SLC22A24: variants seen among roughly 807,000 people sequenced by gnomAD.
The protein encoded by SLC22A24 is steroid transmembrane transporter SLC22A24.
A neutral mutation model predicts 49.8 loss-of-function variants in SLC22A24; 53 were observed. That is an observed-to-expected ratio of 1.06 (90% CI 0.85 to 1.34). The LOEUF (loss-of-function observed/expected upper bound fraction) is 1.34. Ranked by LOEUF, SLC22A24 falls within the 40% of genes most tolerant of loss-of-function variation. The probability of loss-of-function intolerance (pLI) is 0.00; values close to 1 mark genes in which losing one functional copy is unlikely to be tolerated. For missense variants in SLC22A24, 786 were observed against 675.9 expected, an observed-to-expected ratio of 1.16 and a Z score of -1.81; for synonymous variants, 302 against 256.4, an observed-to-expected ratio of 1.18 and a Z score of -1.70.
At chr11:63,116,533 T>G (rs2087214506) in intron 4 of SLC22A24, among the ~76,000 whole-genome samples, 1 of 152,222 alleles carries the variant, frequency 6.6e-6, no homozygotes, top group Non-Finnish European at 1.5e-5. Context: ...TAAAAATCTT[T>G]CTTTGGATTT....
intron 2 of SLC22A24, among the ~76,000 whole-genome samples, chr11:63,120,846 A>G (rs556609569): frequency 1.3e-5 from 2 of 152,248 alleles, no homozygotes; most frequent in East Asian, 3.9e-4. Context: ...TGTATGAGGC[A>G]ACTTAGAATA....
intron 4 of SLC22A24, among the ~76,000 whole-genome samples, chr11:63,113,406 C>G (rs1009223438): frequency 5.9e-5 from 9 of 151,456 alleles, no homozygotes; most frequent in Non-Finnish European, 1.2e-4. Context: ...TGTTTCTTTC[C>G]ATGTTTAGTG....
At chr11:63,134,054 A>G (rs1277373697) in intron 2 of SLC22A24, among the ~76,000 whole-genome samples, 2 of 152,184 alleles carry the variant, frequency 1.3e-5, no homozygotes, top group African/African-American at 4.8e-5. Flanking sequence ...TACAAATGAC[A>G]TTTTAAAATT....
intron 1 of SLC22A24, among the ~76,000 whole-genome samples, chr11:63,138,843 T>TC (rs1394873980): frequency 9.5e-4 from 143 of 150,382 alleles, no homozygotes; most frequent in Non-Finnish European, 1.5e-3. Flanking sequence ...ATAAGGTTTT[T>TC]TCCCCCCCAT....
At chr11:63,137,504 A>G (rs2087383851) in intron 1 of SLC22A24, among the ~76,000 whole-genome samples, 1 of 152,182 alleles carries the variant, frequency 6.6e-6, no homozygotes, top group African/African-American at 2.4e-5. Flanking sequence ...CAGAGATCCC[A>G]TTGTGAATTA....
At chr11:63,106,200 G>A (rs1020833929) in intron 4 of SLC22A24, among the ~76,000 whole-genome samples, 6 of 150,112 alleles carry the variant, frequency 4.0e-5, no homozygotes, top group Admixed American at 2.7e-4. Context: ...TTTTGTCCTT[G>A]CGATAGTTTG....
chr11:63,112,483 C>G (rs542290074), intron 4 of SLC22A24, among the ~76,000 whole-genome samples: 2 of 152,180 alleles, frequency 1.3e-5, no homozygotes, highest in Middle Eastern at 3.4e-3. Context: ...GTGTGGGAGT[C>G]TAAGTCTCTT....
intron 6 of SLC22A24, among the ~76,000 whole-genome samples, chr11:63,090,686 T>TAAATAAATAAATAAAC (rs923720294): frequency 6.8e-6 from 1 of 146,864 alleles, no homozygotes; most frequent in African/African-American, 2.5e-5. Context: ...AATAAATAAA[T>TAAATAAATAAATAAAC]AAATAATAGC....
In SLC22A24 at chr11:63,118,993, C is replaced by T; in HGVS notation, c.749G>A (p.Gly250Glu). The stretch of plus-strand genomic sequence containing the variant: ...CCAGTCCTGAATGGCAAAAGCCAGC[C>T]CTCCTAGGAGCATCTGCCCAACACT... Reference protein sequence around the residue: ...SYSVGQMLLGGLAFAIQDWHI... With the variant: ...SYSVGQMLLGELAFAIQDWHI... The change falls in exon 4 of 10, where the codon GGG becomes GAG. Residue 250 changes from glycine (G) to glutamate (E), a missense_variant. Gly to Glu is a moderately conservative substitution (Grantham distance 98). Transcript: ENST00000612278. The T allele has an allele frequency of 6.4e-7, 1 of 1,551,734 alleles. No individual in the cohort carries two copies. The highest frequency in any genetic ancestry group is 8.7e-7 in the Non-Finnish European group (1 of 1,146,958).
chr11:63,131,585 T>G (rs1458522381), intron 2 of SLC22A24, among the ~76,000 whole-genome samples: 1 of 152,220 alleles, frequency 6.6e-6, no homozygotes, highest in African/African-American at 2.4e-5. Flanking sequence ...ATTCTTTTTT[T>G]AAGAATGTTG....
chr11:63,105,134 G>T (rs996624652), intron 4 of SLC22A24, among the ~76,000 whole-genome samples: 1 of 152,236 alleles, frequency 6.6e-6, no homozygotes, highest in African/African-American at 2.4e-5. Flanking sequence ...CCGATGCAAG[G>T]GGTGGGTTCC....
At chr11:63,112,628 A>G (rs1013595670) in intron 4 of SLC22A24, among the ~76,000 whole-genome samples, 2 of 151,836 alleles carry the variant, frequency 1.3e-5, no homozygotes, top group Non-Finnish European at 2.9e-5. Context: ...TTGTGCTCAG[A>G]TCTTAGTTAT....
At chr11:63,104,338 T>C in intron 4 of SLC22A24, 40 bp from the exon 5 acceptor site, 1 of 1,517,660 alleles carries the variant, frequency 6.6e-7, no homozygotes, top group Non-Finnish European at 8.8e-7. Flanking sequence ...AAACAATTAC[T>C]TATTTGGCAC....
chr11:63,085,199 T>A (rs915428811), intron 6 of SLC22A24, among the ~76,000 whole-genome samples: 3 of 152,068 alleles, frequency 2.0e-5, no homozygotes, highest in Non-Finnish European at 4.4e-5. Flanking sequence ...AAAATTTCTA[T>A]AAATTTTATA....
intron 4 of SLC22A24, among the ~76,000 whole-genome samples, chr11:63,108,083 C>G (rs991149068): frequency 6.6e-6 from 1 of 152,084 alleles, no homozygotes; most frequent in Non-Finnish European, 1.5e-5. Flanking sequence ...TTATAAATAA[C>G]TCTTATTATT....
At chr11:63,102,006 A>G (rs1470352710) in intron 5 of SLC22A24, among the ~76,000 whole-genome samples, 2 of 152,112 alleles carry the variant, frequency 1.3e-5, no homozygotes. Context: ...AGATAAATTG[A>G]ATAAGGTCAA....
intron 5 of SLC22A24, 50 bp downstream of exon 5, chr11:63,104,125 A>G: frequency 6.5e-7 from 1 of 1,539,244 alleles, no homozygotes; most frequent in Non-Finnish European, 8.7e-7. Flanking sequence ...TATGATTGTG[A>G]GGTCATGTTT....
Position 63,119,221 on chromosome 11 carries a change from C to T in SLC22A24, c.621G>A (p.Gly207=). The change falls in exon 3 of 10, where the codon GGG becomes GGA. Residue 207 remains glycine, a synonymous_variant. Coordinates refer to ENST00000612278, the MANE Select transcript of SLC22A24 (RefSeq NM_001136506.2). ...TTCCCAAAATAGTCATGGTGGAGAACCCTGCCAAGAAGCGCAGTATGCAGT... is the reference window on the plus strand; with the variant it reads ...TTCCCAAAATAGTCATGGTGGAGAATCCTGCCAAGAAGCGCAGTATGCAGT... ...LVYCILRFLA[G]FSTMTILGNT... 1 of 1,550,000 alleles carries T rather than the reference C, an allele frequency of 6.5e-7. No individual in the cohort carries two copies. The highest frequency in any genetic ancestry group is 8.7e-7 in the Non-Finnish European group (1 of 1,146,486).
chr11:63,119,204 A>G lies in SLC22A24; in HGVS notation c.638T>C (p.Ile213Thr), dbSNP rs1565334637. ...ACTGAGAATAAAAGTGTTTCCCAAA[A>G]TAGTCATGGTGGAGAACCCTGCCAA... ...RFLAGFSTMT[I>T]LGNTFILSLE... The change falls in exon 3 of 10, where the codon ATT becomes ACT. Residue 213 changes from isoleucine (I) to threonine (T), a missense_variant. Transcript: ENST00000612278. 1 of 1,545,658 alleles carries G rather than the reference A, an allele frequency of 6.5e-7. No homozygotes were observed. Among genetic ancestry groups the G allele is most frequent in the Non-Finnish European group, 8.7e-7 (1 of 1,145,208 alleles).
Sources: gnomAD v4.1 joint callset for allele counts (sites outside exome capture counted in the v4.1 genomes callset) on GRCh38, gnomAD v4.1.1 for gene constraint, MANE v1.5 for transcripts, NCBI Gene and HGNC (gene_info 2026-07-23, HGNC 2026-07-21) for gene names.